The following RBM12 variants were observed in gnomAD, a reference collection of about 807,000 sequenced individuals.
RBM12 encodes RNA-binding protein 12.
RBM12 carries 24 observed loss-of-function variants against 37.2 expected under a neutral mutation model. The ratio of observed to expected loss-of-function variants is 0.65; its 90% CI spans 0.47 to 0.91. The LOEUF is 0.91. Ranked by LOEUF, RBM12 falls within the 40% of genes least tolerant of loss-of-function variation. The pLI is 0.00. For synonymous variants in RBM12, 420 were observed against 425.2 expected, an observed-to-expected ratio of 0.99 and a Z score of 0.15; for missense variants, 1,061 against 1,183.2, an observed-to-expected ratio of 0.90 and a Z score of 1.52.
Position 35,654,065 on chromosome 20 carries a change from A to G in RBM12, c.1258T>C (p.Ser420Pro). 1 of 1,614,172 alleles carries G rather than the reference A, an allele frequency of 6.2e-7. No homozygotes were observed. The highest frequency in any genetic ancestry group is 1.7e-5 in the Admixed American group (1 of 60,032). Residue 420 changes from serine (S) to proline (P), a missense_variant, in exon 3 of 3, where the codon TCA becomes CCA. Transcript: ENST00000374114. Reference protein sequence around the residue: ...RSKSPSGQKRSRSRSPHEAGF... With the variant: ...RSKSPSGQKRPRSRSPHEAGF... ...GCCTCATGTGGTGATCTTGACCTTG[A>G]TCTTTTCTGCCCACTGGGCGATTTT... is the stretch of plus-strand genomic sequence containing the variant.
rs943635481 is a variant in RBM12 at position 35,652,974 on chromosome 20, C to T, written c.2349G>A (p.Ser783=). 42 of 1,613,794 alleles carry T rather than the reference C, an allele frequency of 2.6e-5. No individual in the cohort carries two copies. The highest frequency in any genetic ancestry group is 4.4e-5 in the South Asian group (4 of 91,084). ...GGGPNNLSGP[S]GFGGGPQNFG... ...AATTCTGAGGGCCCCCTCCAAATCC[C>T]GATGGCCCACTTAAATTGTTTGGTC... is the stretch of plus-strand genomic sequence containing the variant. Residue 783 remains serine (S), a synonymous_variant, in exon 3 of 3, where the codon TCG becomes TCA. Transcript: ENST00000374114.
At position 35,654,516 on chromosome 20, in the gene RBM12, G is replaced by A. The variant is rs774314755; in HGVS notation, c.807C>T (p.Asn269=). The change falls in exon 3 of 3, where the codon AAC becomes AAT. Residue 269 remains asparagine, a synonymous_variant. Transcript: ENST00000374114. ...CAAGAAACATAGGATTCAGATTATT[G>A]TTCAAATTCATAGGTGCTCCAGAGC... The part of the protein sequence containing the change: ...MNGSGAPMNL[N]NNLNPMFLGP... 8.7e-6 allele frequency: 14 copies of A among 1,614,156 alleles called. No individual in the cohort carries two copies. The East Asian group carries it at 1.6e-4, about 18-fold the overall frequency.
rs1450657027 is a variant in RBM12 at position 35,651,853 on chromosome 20, A to C, written c.*671T>G. On this transcript the variant is annotated 3_prime_UTR_variant, in exon 3 of 3. Coordinates refer to ENST00000374114, the MANE Select transcript of RBM12 (RefSeq NM_006047.6). ...GTGTGACATTAGAAATCAAAGTTTG[A>C]GGTTATAGCACAAACGAAGTGTGGA... The C allele has an allele frequency of 1.3e-5, 2 of 152,674 alleles. No individual in the cohort carries two copies. The highest frequency in any genetic ancestry group is 2.9e-5 in the Non-Finnish European group (2 of 68,038). The allele number at this position is 152,674 out of a possible 1,614,324, so 9.5% of individuals were successfully genotyped here.
rs2146339539 is a variant in RBM12, at chr20:35,651,567, C to CT, written c.*956dup. On this transcript the variant is annotated 3_prime_UTR_variant, in exon 3 of 3. Coordinates refer to ENST00000374114, the MANE Select transcript of RBM12 (RefSeq NM_006047.6). ...AACACTTTCTTATGAATGGGCCCCT[C>CT]TTTGTTTAAAGGCCAAAATTTCACA... 6.6e-6 allele frequency: 1 copy of CT among 152,336 alleles called. No individual in the cohort carries two copies. The highest frequency in any genetic ancestry group is 1.5e-5 in the Non-Finnish European group (1 of 68,024). 9.4% of individuals were successfully genotyped at this position (152,336 alleles called of 1,614,324 possible).
Position 35,654,293 on chromosome 20 carries a change from CATT to C in RBM12, c.1027_1029del (p.Asn343del), listed in dbSNP as rs780855450. The C allele has an allele frequency of 6.2e-7, 1 of 1,614,192 alleles. No individual in the cohort carries two copies. The highest frequency in any genetic ancestry group is 1.1e-5 in the South Asian group (1 of 91,080). ...GAGAGAAACTTAACCAATCCATTCCCATTATTTCGACCTACATGATCTTTCAAC... is the reference window on the plus strand; with the variant it reads ...GAGAGAAACTTAACCAATCCATTCCCATTTCGACCTACATGATCTTTCAAC... On this transcript the variant is annotated inframe_deletion, in exon 3 of 3. Coordinates refer to ENST00000374114, the MANE Select transcript of RBM12 (RefSeq NM_006047.6).
In RBM12 at chr20:35,655,121, T is replaced by C; in HGVS notation, c.202A>G (p.Lys68Glu). 6.2e-7 allele frequency: 1 copy of C among 1,614,200 alleles called. No homozygotes were observed. The highest frequency in any genetic ancestry group is 2.2e-5 in the East Asian group (1 of 44,884). ...TTACTACTCAACAATAGTGTTACTT[T>C]TGACCCTTTAATTGTACCACCTGTG... Reference protein sequence around the residue: ...MRTGGTIKGSKVTLLLSSKTE... With the variant: ...MRTGGTIKGSEVTLLLSSKTE... Residue 68 changes from lysine (K) to glutamate (E), a missense_variant, in exon 3 of 3, where the codon AAA becomes GAA. By Grantham distance (56) the Lys-to-Glu change is moderately conservative. Around this residue, in one of 3 missense-constraint regions of RBM12, gnomAD observed 540 missense variants for 632.7 expected, o/e 0.85. Coordinates refer to ENST00000374114, the MANE Select transcript of RBM12 (RefSeq NM_006047.6).
Position 35,649,244 on chromosome 20 carries a change from T to C in RBM12, c.*3280A>G, listed in dbSNP as rs1349352026. On this transcript the variant is annotated 3_prime_UTR_variant, in exon 3 of 3. Transcript: ENST00000374114. Reference sequence around the variant, plus strand: ...AGCAATTTTACATTTTCTTTACTCATTTCCCGAGTGTTCTTAAAATTGATG... The same window carrying C: ...AGCAATTTTACATTTTCTTTACTCACTTCCCGAGTGTTCTTAAAATTGATG... 2.0e-5 allele frequency: 3 copies of C among 152,228 alleles called. No homozygotes were observed. Among genetic ancestry groups the C allele is most frequent in the Non-Finnish European group, 4.4e-5 (3 of 68,038 alleles). 9.4% of individuals were successfully genotyped at this position (152,228 alleles called of 1,614,324 possible). A position where few individuals can be genotyped will look rare whatever the true frequency, so the allele number is the denominator to read the frequency against.
chr20:35,659,497 A>G (rs950187919), intron 1 of RBM12, among the ~76,000 whole-genome samples: 3 of 152,210 alleles, frequency 2.0e-5, no homozygotes, highest in Non-Finnish European at 4.4e-5. Flanking sequence ...TTCTTTCAAT[A>G]TATTTTATTT....
chr20:35,652,835 C>CGGGGCT lies in RBM12; in HGVS notation c.2487_2488insAGCCCC (p.Pro829_Gly830insSerPro). 6.2e-7 allele frequency: 1 copy of CGGGGCT among 1,607,200 alleles called. No individual in the cohort carries two copies. Among genetic ancestry groups the CGGGGCT allele is most frequent in the Non-Finnish European group, 8.5e-7 (1 of 1,176,750 alleles). ...ATTGGGCCAGGGCCGGGGCCGGGGC[C>CGGGGCT]GGGGCCAGGCCCAAAAGCTGGTGGC... On this transcript the variant is annotated inframe_insertion, in exon 3 of 3. Coordinates refer to ENST00000374114, the MANE Select transcript of RBM12 (RefSeq NM_006047.6).
intron 2 of RBM12, among the ~76,000 whole-genome samples, chr20:35,658,169 T>TA (rs1284247269): frequency 2.6e-5 from 4 of 152,232 alleles, no homozygotes; most frequent in African/African-American, 4.8e-5. Flanking sequence ...GGGCCTATCT[T>TA]AGTTACTTAA....
At chr20:35,657,465 TGAG>T (rs911687426) in intron 2 of RBM12, among the ~76,000 whole-genome samples, 2 of 151,056 alleles carry the variant, frequency 1.3e-5, no homozygotes, top group Non-Finnish European at 3.0e-5. Flanking sequence ...CAAAACAACT[TGAG>T]AGAGAGAGAG....
At position 35,654,331 on chromosome 20, in the gene RBM12, G is replaced by C; in HGVS notation, c.992C>G (p.Ala331Gly). ...TACATGATCTTTCAACAAATGCACT[G>C]CATCAACACGGAGCCCATGAAAAAA... The part of the protein sequence containing the change: ...RDFFHGLRVD[A>G]VHLLKDHVGR... The change falls in exon 3 of 3, where the codon GCA becomes GGA. Residue 331 changes from alanine (A) to glycine (G), a missense_variant. Ala to Gly is a moderately conservative substitution (Grantham distance 60, BLOSUM62 0). Coordinates refer to ENST00000374114, the MANE Select transcript of RBM12 (RefSeq NM_006047.6). The C allele has an allele frequency of 6.2e-7, 1 of 1,614,092 alleles. No homozygotes were observed. Among genetic ancestry groups the C allele is most frequent in the Non-Finnish European group, 8.5e-7 (1 of 1,180,036 alleles).
In RBM12 at chr20:35,651,658, C is replaced by A. The variant is rs1307728852; in HGVS notation, c.*866G>T. 6.6e-6 allele frequency: 1 copy of A among 152,428 alleles called. No individual in the cohort carries two copies. Among genetic ancestry groups the A allele is most frequent in the African/African-American group, 2.4e-5 (1 of 41,454 alleles). The allele number at this position is 152,428 out of a possible 1,614,324, so 9.4% of individuals were successfully genotyped here. On this transcript the variant is annotated 3_prime_UTR_variant, in exon 3 of 3. Transcript: ENST00000374114. ...ATGAAAAGGACTTCAAATCAAGTAT[C>A]TTAAACACATTATTAAAAGTGGTTT...
chr20:35,664,073 C>T (rs372103128), intron 1 of RBM12, among the ~76,000 whole-genome samples: 1 of 152,136 alleles, frequency 6.6e-6, no homozygotes, highest in Non-Finnish European at 1.5e-5. Flanking sequence ...GTACTCACCC[C>T]ACCCCCTCAC....
chr20:35,657,286 C>G (rs1404359814), intron 2 of RBM12, among the ~76,000 whole-genome samples: 1 of 152,178 alleles, frequency 6.6e-6, no homozygotes, highest in African/African-American at 2.4e-5. Flanking sequence ...TATTTAGCAG[C>G]CTATAAGGAG....
rs565214968 is a variant in RBM12, at chr20:35,654,403, C to A, written c.920G>T (p.Ser307Ile). 4 of 1,614,216 alleles carry A rather than the reference C, an allele frequency of 2.5e-6. No individual in the cohort carries two copies. Among genetic ancestry groups the A allele is most frequent in the Non-Finnish European group, 3.4e-6 (4 of 1,180,034 alleles). Residue 307 changes from serine to isoleucine, a missense_variant, in exon 3 of 3, where the codon AGT (serine) becomes ATT (isoleucine). By Grantham distance (142) the Ser-to-Ile change is moderately radical (BLOSUM62 -2). Transcript: ENST00000374114. Reference protein sequence around the residue: ...LPINPDDLYVSVHGMPFSAME... With the variant: ...LPINPDDLYVIVHGMPFSAME... ...TGCAGAAAAGGGCATTCCATGCACA[C>A]TGACATACAGATCATCAGGGTTGAT... is the stretch of plus-strand genomic sequence containing the variant.
rs2033462363 is a variant in RBM12, at chr20:35,650,896, T to C, written c.*1628A>G. 6.6e-6 allele frequency: 1 copy of C among 152,650 alleles called. No homozygotes were observed. The highest frequency in any genetic ancestry group is 2.4e-5 in the African/African-American group (1 of 41,452). The allele number at this position is 152,650 out of a possible 1,614,324, so 9.5% of individuals were successfully genotyped here. Reference sequence around the variant, plus strand: ...AAGACTGACCCCTTTGTAACTACGCTGATTTGTAGGAAATGTTGGGGATGT... The same window carrying C: ...AAGACTGACCCCTTTGTAACTACGCCGATTTGTAGGAAATGTTGGGGATGT... On this transcript the variant is annotated 3_prime_UTR_variant, in exon 3 of 3. Transcript: ENST00000374114.
chr20:35,652,704 T>A lies in RBM12; in HGVS notation c.2619A>T (p.Leu873Phe). 1 of 1,614,140 alleles carries A rather than the reference T, an allele frequency of 6.2e-7. No individual in the cohort carries two copies. Among genetic ancestry groups the A allele is most frequent in the Non-Finnish European group, 8.5e-7 (1 of 1,179,970 alleles). ...MPFTVSIDEI[L>F]DFFYGYQVIP... The stretch of plus-strand genomic sequence containing the variant: ...TTACTTGATAGCCATAAAAGAAATC[T>A]AAAATCTCATCAATAGACACAGTAA... Residue 873 changes from leucine (L) to phenylalanine (F), a missense_variant, in exon 3 of 3, where the codon TTA becomes TTT. Leu to Phe is a conservative substitution (Grantham distance 22, BLOSUM62 0). Coordinates refer to ENST00000374114, the MANE Select transcript of RBM12 (RefSeq NM_006047.6).
intron 1 of RBM12, among the ~76,000 whole-genome samples, chr20:35,663,567 T>A (rs1428373474): frequency 6.6e-6 from 1 of 152,110 alleles, no homozygotes; most frequent in Non-Finnish European, 1.5e-5. Flanking sequence ...CAATTTATAT[T>A]AGGTTATCTC....
Sources: allele counts gnomAD v4.1 joint callset (sites outside exome capture counted in the v4.1 genomes callset), GRCh38; gene constraint gnomAD v4.1.1; regional missense constraint gnomAD v4.1.1; transcripts MANE v1.5; gene names NCBI Gene and HGNC (gene_info 2026-07-23, HGNC 2026-07-21).